Variants in NBAS observed in about 807,000 individuals in gnomAD.
NBAS encodes NBAS subunit of NRZ tethering complex.
A neutral mutation model predicts 302.5 loss-of-function variants in NBAS; 219 were observed. The ratio of observed to expected loss-of-function variants is 0.72; its 90% CI spans 0.65 to 0.81. The LOEUF (loss-of-function observed/expected upper bound fraction) is 0.81, where lower values mean the gene tolerates loss of function less well. NBAS is among the 30% of genes least tolerant of loss of function. The pLI is 0.00. For synonymous variants in NBAS, 1,118 were observed against 1,021.6 expected, an observed-to-expected ratio of 1.09 and a Z score of -1.80; for missense variants, 2,932 against 2,841.6, an observed-to-expected ratio of 1.03 and a Z score of -0.72.
chr2:15,543,672 T>A (rs1663963677), intron 6 of NBAS, among the ~76,000 whole-genome samples: 1 of 152,056 alleles, frequency 6.6e-6, no homozygotes, highest in Non-Finnish European at 1.5e-5. Context: ...GATAAAACCA[T>A]CAGATCTCGT....
chr2:14,805,708 A>G, the NBAS span, among the ~76,000 whole-genome samples: 3 of 152,068 alleles, frequency 2.0e-5, no homozygotes, highest in African/African-American at 7.2e-5. Context: ...GCCACATCAA[A>G]CCACCCACTG....
intron 11 of NBAS, among the ~76,000 whole-genome samples, chr2:15,502,731 G>A (rs1242796565): frequency 6.6e-6 from 1 of 152,184 alleles, no homozygotes; most frequent in Non-Finnish European, 1.5e-5. Flanking sequence ...GAATGGGAAG[G>A]CCTAGGACAG....
Position 15,473,348 on chromosome 2 carries a change from C to T in NBAS, c.1600-1G>A, listed in dbSNP as rs144190399. 2 of 1,613,678 alleles carry T rather than the reference C, an allele frequency of 1.2e-6. No homozygotes were observed. Among genetic ancestry groups the T allele is most frequent in the African/African-American group, 1.3e-5 (1 of 75,034 alleles). Reference sequence around the variant, plus strand: ...CTTCCTCATACTCTTCACTTTCAATCTTCAGATAAAAACACGAGGACAGGA... The same window carrying T: ...CTTCCTCATACTCTTCACTTTCAATTTTCAGATAAAAACACGAGGACAGGA... On this transcript the variant is annotated splice_acceptor_variant, in intron 15 of 51. Transcript: ENST00000281513. LOFTEE classifies it high-confidence loss of function.
chr2:15,084,961 A>T, the NBAS span, among the ~76,000 whole-genome samples: 1 of 152,208 alleles, frequency 6.6e-6, no homozygotes, highest in Admixed American at 6.5e-5. Flanking sequence ...GGCCATCTGG[A>T]GTGGCCGCTG....
intron 40 of NBAS, among the ~76,000 whole-genome samples, chr2:15,299,300 G>T (rs564573446): frequency 1.3e-5 from 2 of 152,308 alleles, no homozygotes; most frequent in Non-Finnish European, 2.9e-5. Flanking sequence ...CTTCAGGGAG[G>T]TGAATAAAGT....
chr2:15,037,502 T>C, the NBAS span, among the ~76,000 whole-genome samples: 1 of 152,234 alleles, frequency 6.6e-6, no homozygotes, highest in Non-Finnish European at 1.5e-5. Flanking sequence ...CAGGGGTGGA[T>C]ATATTTTATC....
At chr2:15,360,424 A>C (rs1322572734) in intron 32 of NBAS, among the ~76,000 whole-genome samples, 1 of 151,644 alleles carries the variant, frequency 6.6e-6, no homozygotes, top group African/African-American at 2.4e-5. Flanking sequence ...ACTCACTGTA[A>C]CCTCGTGAAC....
chr2:14,963,612 G>A, the NBAS span, among the ~76,000 whole-genome samples: 12 of 152,258 alleles, frequency 7.9e-5, no homozygotes, highest in East Asian at 1.2e-3. Context: ...ATGCTCACAC[G>A]ACCAGCACCC....
the NBAS span, among the ~76,000 whole-genome samples, chr2:14,847,382 T>TAAAAAAAAAAAA: frequency 1.5e-4 from 8 of 53,160 alleles, no homozygotes; most frequent in South Asian, 9.6e-4. Flanking sequence ...GACTCTATCT[T>TAAAAAAAAAAAA]AAAAAAAAAA....
chr2:15,552,966 A>G (rs1664452387), intron 5 of NBAS, among the ~76,000 whole-genome samples: 1 of 151,936 alleles, frequency 6.6e-6, no homozygotes, highest in Admixed American at 6.6e-5. Context: ...CACCATGCCC[A>G]GCTAATTTTT....
At chr2:15,108,355 G>T in the NBAS span, among the ~76,000 whole-genome samples, 1 of 152,020 alleles carries the variant, frequency 6.6e-6, no homozygotes, top group Non-Finnish European at 1.5e-5. Flanking sequence ...GAGGGTAAAT[G>T]ACTTATCTAA....
intron 10 of NBAS, among the ~76,000 whole-genome samples, chr2:15,510,646 G>A (rs936949534): frequency 1.3e-5 from 2 of 152,204 alleles, no homozygotes; most frequent in African/African-American, 4.8e-5. Flanking sequence ...CCCAAGGACT[G>A]CCTGACACAA....
At chr2:15,162,927 C>G (rs1297907039), downstream of NBAS, among the ~76,000 whole-genome samples, 1 of 152,202 alleles carries the variant, frequency 6.6e-6, no homozygotes, top group Admixed American at 6.5e-5. Context: ...AAGAACAGGG[C>G]AAACTTGCAT....
chr2:15,084,190 A>G, the NBAS span, among the ~76,000 whole-genome samples: 3 of 152,090 alleles, frequency 2.0e-5, no homozygotes, highest in Non-Finnish European at 2.9e-5. Context: ...CTGGAACTAC[A>G]GGTGTCCACC....
At chr2:14,978,071 G>C in the NBAS span, among the ~76,000 whole-genome samples, 1 of 152,062 alleles carries the variant, frequency 6.6e-6, no homozygotes, top group African/African-American at 2.4e-5. Context: ...TCCCCCAAAT[G>C]TCCATATCCT....
At chr2:14,803,997 T>G in the NBAS span, among the ~76,000 whole-genome samples, 2 of 152,356 alleles carry the variant, frequency 1.3e-5, no homozygotes, top group South Asian at 4.1e-4. Context: ...TTCTGATCTG[T>G]AATTCTCCAT....
At chr2:15,072,502 T>A in the NBAS span, among the ~76,000 whole-genome samples, 5 of 146,272 alleles carry the variant, frequency 3.4e-5, no homozygotes, top group Non-Finnish European at 7.4e-5. Flanking sequence ...TTTAAAAAAA[T>A]TTTATCTAGT....
chr2:14,807,550 T>C, the NBAS span, among the ~76,000 whole-genome samples: 1 of 152,150 alleles, frequency 6.6e-6, no homozygotes, highest in Non-Finnish European at 1.5e-5. Context: ...TAGGCAGTTT[T>C]GTTTATCATC....
intron 50 of NBAS, among the ~76,000 whole-genome samples, chr2:15,183,408 A>G (rs1198022503): frequency 1.3e-5 from 2 of 152,234 alleles, no homozygotes; most frequent in Non-Finnish European, 2.9e-5. Context: ...TGTTTCATCA[A>G]ATTAAAGAAA....
Sources: allele counts gnomAD v4.1 joint callset (sites outside exome capture counted in the v4.1 genomes callset), GRCh38; gene constraint gnomAD v4.1.1; transcripts MANE v1.5; gene names NCBI Gene and HGNC (gene_info 2026-07-23, HGNC 2026-07-21).